Variants in CCSER1 observed in about 807,000 individuals in gnomAD.
CCSER1 encodes serine-rich coiled-coil domain-containing protein 1.
Under a neutral mutation model 82.0 loss-of-function variants are expected in CCSER1, and 41 were observed. The ratio of observed to expected loss-of-function variants is 0.50; its 90% CI spans 0.39 to 0.65. CCSER1 has a LOEUF of 0.65. Ranked by LOEUF, CCSER1 falls within the 30% of genes least tolerant of loss-of-function variation. The probability of loss-of-function intolerance (pLI) is 0.00; values close to 1 mark genes in which losing one functional copy is unlikely to be tolerated. For synonymous variants in CCSER1, 414 were observed against 383.9 expected, an observed-to-expected ratio of 1.08 and a Z score of -0.92; for missense variants, 1,119 against 1,064.2, an observed-to-expected ratio of 1.05 and a Z score of -0.72.
intron 8 of CCSER1, among the ~76,000 whole-genome samples, chr4:90,866,878 T>C (rs1299573974): frequency 6.6e-6 from 1 of 151,920 alleles, no homozygotes. Context: ...GTATATCCAG[T>C]TCACAGTAGG....
At chr4:91,193,853 C>A (rs1735195654) in intron 10 of CCSER1, among the ~76,000 whole-genome samples, 1 of 150,694 alleles carries the variant, frequency 6.6e-6, no homozygotes, top group South Asian at 2.1e-4. Context: ...GGCCTGATGT[C>A]CCTTATGATT....
At chr4:90,423,150 A>G (rs1553907312) in intron 4 of CCSER1, among the ~76,000 whole-genome samples, 2 of 152,120 alleles carry the variant, frequency 1.3e-5, no homozygotes, top group Non-Finnish European at 2.9e-5. Flanking sequence ...TATTTGGTGT[A>G]AATAATGATA....
chr4:91,086,699 G>T (rs1252462041), intron 10 of CCSER1, among the ~76,000 whole-genome samples: 2 of 151,990 alleles, frequency 1.3e-5, no homozygotes, highest in South Asian at 4.1e-4. Flanking sequence ...CTATACAAAT[G>T]AGGAAAAAAA....
At chr4:90,710,098 T>A (rs1018335185) in intron 6 of CCSER1, among the ~76,000 whole-genome samples, 2 of 152,268 alleles carry the variant, frequency 1.3e-5, no homozygotes, top group Admixed American at 6.5e-5. Flanking sequence ...TTGAGAAGTG[T>A]CTATGCAAGT....
intron 10 of CCSER1, among the ~76,000 whole-genome samples, chr4:91,588,582 C>CT (rs1352587289): frequency 2.6e-5 from 4 of 151,658 alleles, no homozygotes; most frequent in Non-Finnish European, 5.9e-5. Flanking sequence ...CAATTCCCAG[C>CT]TATTCTGTAT....
chr4:90,538,455 A>G (rs1775700513), intron 5 of CCSER1, among the ~76,000 whole-genome samples: 1 of 151,964 alleles, frequency 6.6e-6, no homozygotes, highest in Non-Finnish European at 1.5e-5. Flanking sequence ...TATTGTTGCC[A>G]TTGCCCTCAG....
At chr4:91,264,761 G>A (rs1741446744) in intron 10 of CCSER1, among the ~76,000 whole-genome samples, 1 of 151,938 alleles carries the variant, frequency 6.6e-6, no homozygotes, top group Admixed American at 6.6e-5. Flanking sequence ...GGGTAGTATG[G>A]CTATAGACTA....
At chr4:90,630,143 A>G (rs1207534372) in intron 6 of CCSER1, among the ~76,000 whole-genome samples, 1 of 151,280 alleles carries the variant, frequency 6.6e-6, no homozygotes, top group Non-Finnish European at 1.5e-5. Context: ...GTATGATTCT[A>G]TACTGACAAC....
At chr4:90,537,352 C>T (rs1230152234) in intron 5 of CCSER1, among the ~76,000 whole-genome samples, 1 of 151,916 alleles carries the variant, frequency 6.6e-6, no homozygotes, top group Non-Finnish European at 1.5e-5. Flanking sequence ...TCTTTCTTGC[C>T]TTTCTTCAAT....
intron 9 of CCSER1, among the ~76,000 whole-genome samples, chr4:90,950,552 A>G (rs1424650061): frequency 2.0e-5 from 3 of 152,014 alleles, no homozygotes; most frequent in African/African-American, 7.2e-5. Context: ...ACACACGTTG[A>G]ATTCCCACAG....
Position 91,502,531 on chromosome 4 carries a change from A to G in CCSER1, c.2218-96041A>G, listed in dbSNP as rs776684064. 3.9e-5 allele frequency among the ~76,000 whole-genome samples: 6 copies of G among 152,084 alleles called. 1 individual carries two copies. The highest frequency in any genetic ancestry group is 7.4e-5 in the Non-Finnish European group (5 of 68,008). ...TTTTAACTCATTTAATCACACCACA[A>G]TCCTATGAAGTACTCCATTACCACC... On this transcript the variant is annotated intron_variant, in intron 10 of 10. Transcript: ENST00000509176.
intron 4 of CCSER1, among the ~76,000 whole-genome samples, chr4:90,411,848 A>T (rs1483088518): frequency 6.6e-6 from 1 of 152,158 alleles, no homozygotes; most frequent in African/African-American, 2.4e-5. Context: ...GTTTGCAGAT[A>T]ACATGATTGT....
At chr4:91,148,853 ATG>A (rs1443285226) in intron 10 of CCSER1, among the ~76,000 whole-genome samples, 2 of 152,140 alleles carry the variant, frequency 1.3e-5, no homozygotes, top group African/African-American at 4.8e-5. Flanking sequence ...CATGGTGCAT[ATG>A]TGCCACATTT....
intron 7 of CCSER1, among the ~76,000 whole-genome samples, chr4:90,765,797 A>G (rs1751134757): frequency 6.6e-6 from 1 of 152,184 alleles, no homozygotes; most frequent in African/African-American, 2.4e-5. Flanking sequence ...TTACCTAGAT[A>G]CAAGAGTCAG....
At chr4:90,457,378 G>C (rs1166154336) in intron 4 of CCSER1, among the ~76,000 whole-genome samples, 1 of 152,094 alleles carries the variant, frequency 6.6e-6, no homozygotes, top group South Asian at 2.1e-4. Flanking sequence ...TGACTAGGGG[G>C]GCATGTTTCA....
chr4:90,901,335 T>C (rs1334934566), intron 8 of CCSER1, among the ~76,000 whole-genome samples: 2 of 152,052 alleles, frequency 1.3e-5, no homozygotes, highest in Non-Finnish European at 2.9e-5. Flanking sequence ...CATCATAGTA[T>C]TGTTAGCTAG....
chr4:90,440,758 T>C (rs965778815), intron 4 of CCSER1, among the ~76,000 whole-genome samples: 5 of 152,184 alleles, frequency 3.3e-5, no homozygotes, highest in African/African-American at 1.2e-4. Flanking sequence ...GACTCATGTT[T>C]ATTTTGAGTT....
At chr4:90,666,570 G>A (rs1290878998) in intron 6 of CCSER1, among the ~76,000 whole-genome samples, 1 of 152,224 alleles carries the variant, frequency 6.6e-6, no homozygotes, top group African/African-American at 2.4e-5. Context: ...ATACCAGCAT[G>A]AGCCTCACAG....
intron 10 of CCSER1, among the ~76,000 whole-genome samples, chr4:91,593,019 C>T (rs140994568): frequency 0.012 from 1,837 of 152,010 alleles, 16 homozygotes; most frequent in Middle Eastern, 0.031. Flanking sequence ...CATTATTAAA[C>T]GTTCATTAAT....
Sources: gnomAD v4.1 joint callset for allele counts (sites outside exome capture counted in the v4.1 genomes callset) on GRCh38, gnomAD v4.1.1 for gene constraint, MANE v1.5 for transcripts, NCBI Gene and HGNC (gene_info 2026-07-23, HGNC 2026-07-21) for gene names.